NAALADL2: variants seen among roughly 807,000 people sequenced by gnomAD.
NAALADL2 encodes the protein inactive N-acetylated-alpha-linked acidic dipeptidase-like protein 2.
In NAALADL2, 76 loss-of-function variants were observed where a neutral mutation model predicts 87.2. The ratio of observed to expected loss-of-function variants is 0.87; its 90% CI spans 0.72 to 1.05. NAALADL2 has a LOEUF of 1.05. Among genes scored for constraint, NAALADL2 ranks in the 50% least tolerant of loss-of-function variants. The pLI, the probability that NAALADL2 is intolerant of heterozygous loss-of-function variation, is 0.00. For missense variants in NAALADL2, 1,089 were observed against 945.8 expected, an observed-to-expected ratio of 1.15 and a Z score of -1.99; for synonymous variants, 354 against 331.0, an observed-to-expected ratio of 1.07 and a Z score of -0.75.
At chr3:174,993,764 C>T (rs1747057274) in intron 1 of NAALADL2, among the ~76,000 whole-genome samples, 1 of 152,132 alleles carries the variant, frequency 6.6e-6, no homozygotes, top group South Asian at 2.1e-4. Context: ...TGGCTTAAAA[C>T]ACAGAAAATG....
chr3:175,700,550 T>C (rs1448710488), intron 11 of NAALADL2, among the ~76,000 whole-genome samples: 1 of 152,158 alleles, frequency 6.6e-6, no homozygotes, highest in Non-Finnish European at 1.5e-5. Context: ...GAATATGTGA[T>C]TTGCAATATA....
intron 3 of NAALADL2, among the ~76,000 whole-genome samples, chr3:174,753,328 GGCCTCCCAAAGT>G (rs766208740): frequency 8.5e-4 from 129 of 152,126 alleles, no homozygotes; most frequent in Non-Finnish European, 1.5e-3. Context: ...CAGCCGCCTT[GGCCTCCCAAAGT>G]GCTGGGATTA....
intron 2 of NAALADL2, among the ~76,000 whole-genome samples, chr3:174,660,564 ATGCTG>A (rs1725409981): frequency 6.6e-6 from 1 of 152,196 alleles, no homozygotes; most frequent in Admixed American, 6.5e-5. Flanking sequence ...TAATAACAAT[ATGCTG>A]CATCTCTGAG....
intron 2 of NAALADL2, among the ~76,000 whole-genome samples, chr3:174,659,965 G>A (rs1725357238): frequency 6.6e-6 from 1 of 152,070 alleles, no homozygotes. Context: ...GCTTGAAACA[G>A]TTCATATTCA....
At chr3:175,338,104 A>G (rs1762182082) in intron 5 of NAALADL2, among the ~76,000 whole-genome samples, 1 of 152,162 alleles carries the variant, frequency 6.6e-6, no homozygotes, top group Non-Finnish European at 1.5e-5. Flanking sequence ...TGGTTCTGGT[A>G]TGGAAGACTA....
intron 1 of NAALADL2, among the ~76,000 whole-genome samples, chr3:175,073,551 G>C (rs1030592722): frequency 6.6e-6 from 1 of 152,026 alleles, no homozygotes; most frequent in Admixed American, 6.6e-5. Context: ...TTACTTGTCT[G>C]AATTGAAGTG....
intron 3 of NAALADL2, among the ~76,000 whole-genome samples, chr3:174,799,613 T>A (rs1718566977): frequency 6.6e-6 from 1 of 152,222 alleles, no homozygotes; most frequent in Non-Finnish European, 1.5e-5. Context: ...CTTTGATATG[T>A]CTTTATCAGC....
At chr3:174,572,141 G>C (rs1010312573) in intron 2 of NAALADL2, among the ~76,000 whole-genome samples, 4 of 151,640 alleles carry the variant, frequency 2.6e-5, no homozygotes, top group African/African-American at 9.7e-5. Flanking sequence ...TTTCTTCTTA[G>C]TTATTGAGAC....
chr3:175,220,034 G>A lies in NAALADL2; in HGVS notation c.546-13897G>A, dbSNP rs1004456393. ...CTTTTTTAAAGTGGTAAGTCAGAAT[G>A]TTTGATTTTTGAATGTTAAATCATC... is the stretch of plus-strand genomic sequence containing the variant. On this transcript the variant is annotated intron_variant, in intron 2 of 13. Transcript: ENST00000454872. 3.4e-4 allele frequency among the ~76,000 whole-genome samples: 52 copies of A among 151,542 alleles called. 1 individual carries two copies. Among genetic ancestry groups the A allele is most frequent in the Non-Finnish European group, 5.8e-4 (39 of 67,820 alleles).
intron 1 of NAALADL2, among the ~76,000 whole-genome samples, chr3:174,909,041 C>T (rs907255879): frequency 1.3e-5 from 2 of 151,786 alleles, no homozygotes; most frequent in Non-Finnish European, 2.9e-5. Flanking sequence ...AGTTGTGTAG[C>T]TATTTCATCT....
At position 175,234,029 on chromosome 3, in the gene NAALADL2, TAAATTACTCTGTGC is replaced by T; in HGVS notation, c.645_658del (p.Asn216AlafsTer2). 6.2e-7 allele frequency: 1 copy of T among 1,613,934 alleles called. No individual in the cohort carries two copies. Among genetic ancestry groups the T allele is most frequent in the Admixed American group, 1.7e-5 (1 of 59,998 alleles). On this transcript the variant is annotated frameshift_variant, in exon 3 of 14. Transcript: ENST00000454872. LOFTEE classifies it high-confidence loss of function. The stretch of plus-strand genomic sequence containing the variant: ...TTGGGCCTAGAAGATGTACAGTTTG[TAAATTACTCTGTGC>T]TGCTTGATCTGCCAGGCCCTTCTCC...
At chr3:175,719,638 G>T (rs1460648355) in intron 11 of NAALADL2, among the ~76,000 whole-genome samples, 4 of 152,202 alleles carry the variant, frequency 2.6e-5, no homozygotes. Context: ...CTTAAACTCT[G>T]GTTTCCCATT....
chr3:174,835,877 A>G (rs540509612), intron 3 of NAALADL2, among the ~76,000 whole-genome samples: 78 of 152,212 alleles, frequency 5.1e-4, no homozygotes, highest in Non-Finnish European at 9.4e-4. Context: ...ATGTAGAACA[A>G]TTGGAACTCT....
intron 1 of NAALADL2, among the ~76,000 whole-genome samples, chr3:175,042,158 C>T (rs776207988): frequency 5.3e-5 from 8 of 152,094 alleles, no homozygotes; most frequent in Admixed American, 3.9e-4. Flanking sequence ...CACATATGTG[C>T]GATCATATGA....
chr3:175,627,401 C>T lies in NAALADL2; in HGVS notation c.1896+15C>T, dbSNP rs1727139464. Reference sequence around the variant, plus strand: ...CCATTACTAAGGTAGGGGAGAAATGCATTCAAAAATAGGTGAGAAATATTT... The same window carrying T: ...CCATTACTAAGGTAGGGGAGAAATGTATTCAAAAATAGGTGAGAAATATTT... On this transcript the variant is annotated intron_variant, in intron 11 of 13. Transcript: ENST00000454872. 4 of 1,466,938 alleles carry T rather than the reference C, an allele frequency of 2.7e-6. No individual in the cohort carries two copies. Among genetic ancestry groups the T allele is most frequent in the Non-Finnish European group, 3.7e-6 (4 of 1,075,698 alleles). The allele number at this position is 1,466,938 out of a possible 1,614,324, so 90.9% of individuals were successfully genotyped here. A position where few individuals can be genotyped will look rare whatever the true frequency, so the allele number is the denominator to read the frequency against.
At chr3:175,511,063 A>G (rs2149394260) in intron 9 of NAALADL2, among the ~76,000 whole-genome samples, 1 of 152,310 alleles carries the variant, frequency 6.6e-6, no homozygotes, top group East Asian at 1.9e-4. Context: ...AATTCATAAA[A>G]GTATGTAAGT....
intron 3 of NAALADL2, among the ~76,000 whole-genome samples, chr3:174,791,710 CT>C (rs1456798169): frequency 6.6e-6 from 1 of 152,050 alleles, no homozygotes; most frequent in Non-Finnish European, 1.5e-5. Flanking sequence ...TTTTTTGTTG[CT>C]TAGCTTTTTT....
chr3:175,272,810 GGGTTATTTATCTGACTTAAGGTAA>G (rs1331140336), intron 4 of NAALADL2, among the ~76,000 whole-genome samples: 46 of 151,928 alleles, frequency 3.0e-4, no homozygotes, highest in African/African-American at 1.0e-3. Flanking sequence ...CTGTTATCTT[GGGTTATTTATCTGACTTAAGGTAA>G]GGAACCTGAT....
intron 4 of NAALADL2, among the ~76,000 whole-genome samples, chr3:175,288,773 C>T (rs55965158): frequency 0.079 from 12,016 of 152,198 alleles, 654 homozygotes; most frequent in Non-Finnish European, 0.12. Context: ...AGCATACTTG[C>T]ATTATTGTGG....
Sources: gnomAD v4.1 joint callset for allele counts (sites outside exome capture counted in the v4.1 genomes callset) on GRCh38, gnomAD v4.1.1 for gene constraint, MANE v1.5 for transcripts, NCBI Gene and HGNC (gene_info 2026-07-23, HGNC 2026-07-21) for gene names.